Variants in PADI3 observed in about 807,000 individuals in gnomAD.
PADI3 encodes the protein peptidyl arginine deiminase 3.
Under a neutral mutation model 71.5 loss-of-function variants are expected in PADI3, and 53 were observed. The observed-to-expected ratio is 0.74, with a 90% CI of 0.59 to 0.93. PADI3 has a LOEUF of 0.93. Ranked by LOEUF, PADI3 falls within the 40% of genes least tolerant of loss-of-function variation. PADI3 has a pLI of 0.00. For missense variants in PADI3, 821 were observed against 868.0 expected, an observed-to-expected ratio of 0.95 and a Z score of 0.68; for synonymous variants, 361 against 347.5, an observed-to-expected ratio of 1.04 and a Z score of -0.43.
At position 17,262,263 on chromosome 1, in the gene PADI3, G is replaced by A. The variant is rs138903035; in HGVS notation, c.346+58G>A. On this transcript the variant is annotated intron_variant, in intron 3 of 15. Transcript: ENST00000375460. ...AGGGCACATTTGAAAAATTCAAGCAGTACAAAAGAGTATACGTTGAAAATT... is the reference window on the plus strand; with the variant it reads ...AGGGCACATTTGAAAAATTCAAGCAATACAAAAGAGTATACGTTGAAAATT... 8.0e-6 allele frequency: 10 copies of A among 1,248,910 alleles called. No individual in the cohort carries two copies. In the East Asian group the frequency reaches 2.3e-4, roughly 29 times the overall value. 77.4% of individuals were successfully genotyped at this position (1,248,910 alleles called of 1,614,324 possible). A position where few individuals can be genotyped will look rare whatever the true frequency, so the allele number is the denominator to read the frequency against.
In PADI3 at chr1:17,271,099, T is replaced by C. The variant is rs980688561; in HGVS notation, c.968T>C (p.Val323Ala). Reference sequence around the variant, plus strand: ...AACAACACGTGTTTTGTGGATGCGGTGGCAGAGCTGGCCAGGAAGGCCGGC... The same window carrying C: ...AACAACACGTGTTTTGTGGATGCGGCGGCAGAGCTGGCCAGGAAGGCCGGC... ...VRNNTCFVDAVAELARKAGCK... is the reference protein window; with the variant it reads ...VRNNTCFVDAAAELARKAGCK... The change falls in exon 9 of 16, where the codon GTG (valine) becomes GCG (alanine). Residue 323 changes from valine to alanine, a missense_variant. Physicochemically the swap from Val to Ala is moderately conservative, Grantham distance 64. Transcript: ENST00000375460. 3 of 1,613,894 alleles carry C rather than the reference T, an allele frequency of 1.9e-6. No homozygotes were observed. In the Admixed American group the frequency reaches 5.0e-5, roughly 27 times the overall value.
chr1:17,271,664 T>G (rs1404287584), intron 9 of PADI3, among the ~76,000 whole-genome samples: 1 of 151,634 alleles, frequency 6.6e-6, no homozygotes, highest in Non-Finnish European at 1.5e-5. Context: ...TGGGGCAACA[T>G]GGTGAAACCC....
intron 3 of PADI3, among the ~76,000 whole-genome samples, chr1:17,265,009 C>CAA (rs55683674): frequency 0.19 from 26,092 of 140,060 alleles, 2,497 homozygotes; most frequent in African/African-American, 0.24. Flanking sequence ...TGTCTTGTCT[C>CAA]AAAAAAAAAA....
intron 14 of PADI3, 35 bp from the exon 15 acceptor site, chr1:17,280,636 A>G (rs968407302): frequency 1.2e-6 from 2 of 1,613,684 alleles, no homozygotes; most frequent in Non-Finnish European, 1.7e-6. Flanking sequence ...CACACTGGCA[A>G]GGTGTCCCCA....
chr1:17,280,078 A>T (rs1279705742), intron 13 of PADI3, among the ~76,000 whole-genome samples: 1 of 152,206 alleles, frequency 6.6e-6, no homozygotes, highest in Non-Finnish European at 1.5e-5. Context: ...TTCCAGTGAC[A>T]GGCGTTACCA....
In PADI3 at chr1:17,280,376, A is replaced by T. The variant is rs1344713318; in HGVS notation, c.1582A>T (p.Ile528Phe). The T allele has an allele frequency of 3.1e-6, 5 of 1,613,956 alleles. No homozygotes were observed. Among genetic ancestry groups the T allele is most frequent in the Admixed American group, 3.3e-5 (2 of 60,006 alleles). Residue 528 changes from isoleucine to phenylalanine, a missense_variant, in exon 14 of 16, where the codon ATC (isoleucine) becomes TTC (phenylalanine). Coordinates refer to ENST00000375460, the MANE Select transcript of PADI3 (RefSeq NM_016233.2). ...TGATGAGCAGGTCAAGACCATCTCC[A>T]TCAACCAGGTGCTCTCCAATAAAGA... ...VDDEQVKTIS[I>F]NQVLSNKDLI... is the part of the protein sequence containing the mutation.
Position 17,271,126 on chromosome 1 carries a change from G to A in PADI3, c.995G>A (p.Cys332Tyr), listed in dbSNP as rs572833699. The A allele has an allele frequency of 1.2e-6, 2 of 1,613,900 alleles. No individual in the cohort carries two copies. The highest frequency in any genetic ancestry group is 3.3e-5 in the Admixed American group (2 of 60,024). The change falls in exon 9 of 16, where the codon TGC (cysteine) becomes TAC (tyrosine). Residue 332 changes from cysteine to tyrosine, a missense_variant. Cys to Tyr is a radical substitution (Grantham distance 194, BLOSUM62 -2). Coordinates refer to ENST00000375460, the MANE Select transcript of PADI3 (RefSeq NM_016233.2). ...GCAGAGCTGGCCAGGAAGGCCGGCT[G>A]CAAGCTGACCATCTGCCCACAGGCC... ...AVAELARKAG[C>Y]KLTICPQAEN...
intron 1 of PADI3, among the ~76,000 whole-genome samples, chr1:17,254,535 C>A (rs1433232738): frequency 6.6e-6 from 1 of 152,134 alleles, no homozygotes; most frequent in Non-Finnish European, 1.5e-5. Context: ...CACCTGCCGT[C>A]TCCAAGGCTC....
chr1:17,273,392 T>G lies in PADI3; in HGVS notation c.1100T>G (p.Val367Gly). The change falls in exon 10 of 16, where the codon GTC becomes GGC. Residue 367 changes from valine to glycine, a missense_variant. Physicochemically the swap from Val to Gly is moderately radical, Grantham distance 109 (BLOSUM62 -3). Coordinates refer to ENST00000375460, the MANE Select transcript of PADI3 (RefSeq NM_016233.2). ...VQAPHKTLPV[V>G]FDSPRNGELQ... ...GCGCCGCACAAGACCCTCCCGGTGG[T>G]CTTTGACTCCCCAAGGAATGGGGAA... The G allele has an allele frequency of 6.2e-7, 1 of 1,613,742 alleles. No individual in the cohort carries two copies. The highest frequency in any genetic ancestry group is 1.1e-5 in the South Asian group (1 of 91,012).
intron 15 of PADI3, among the ~76,000 whole-genome samples, chr1:17,281,705 G>A (rs925521436): frequency 6.6e-6 from 1 of 152,260 alleles, no homozygotes; most frequent in Non-Finnish European, 1.5e-5. Context: ...CACCAGCCTC[G>A]GCCTCCCAAA....
intron 1 of PADI3, among the ~76,000 whole-genome samples, chr1:17,250,029 G>A (rs2100550379): frequency 6.6e-6 from 1 of 152,336 alleles, no homozygotes; most frequent in African/African-American, 2.4e-5. Flanking sequence ...CCATGGTAGA[G>A]GGAGGTAAGG....
At chr1:17,280,564 A>G (rs748174966) in intron 14 of PADI3, 107 bp from the exon 15 acceptor site, 27 of 1,551,346 alleles carry the variant, frequency 1.7e-5, no homozygotes, top group Non-Finnish European at 2.2e-5. Context: ...GAGGGGTCCC[A>G]ACACCCTCTT....
At chr1:17,250,462 T>C (rs1557494551) in intron 1 of PADI3, among the ~76,000 whole-genome samples, 1 of 152,126 alleles carries the variant, frequency 6.6e-6, no homozygotes, top group Non-Finnish European at 1.5e-5. Context: ...TCTCCAAGAC[T>C]AAGACTCGAA....
At chr1:17,268,187 A>G (rs1340417498) in intron 6 of PADI3, among the ~76,000 whole-genome samples, 1 of 152,226 alleles carries the variant, frequency 6.6e-6, no homozygotes, top group Non-Finnish European at 1.5e-5. Flanking sequence ...TATTTGATGA[A>G]TGACCTTTTC....
chr1:17,276,490 A>T, intron 11 of PADI3, 29 bp from the exon 12 acceptor site: 1 of 1,612,814 alleles, frequency 6.2e-7, no homozygotes, highest in Admixed American at 1.7e-5. Context: ...TTAGTTAAGC[A>T]ACTTTTTTTT....
At chr1:17,249,367 T>C (rs2072938525) in intron 1 of PADI3, 138 bp downstream of exon 1, 2 of 713,182 alleles carry the variant, frequency 2.8e-6, no homozygotes, top group African/African-American at 1.7e-5. Context: ...CAGGGAAGCT[T>C]GGGTCCTCCT....
At position 17,267,870 on chromosome 1, in the gene PADI3, C is replaced by T. The variant is rs146396025; in HGVS notation, c.560C>T (p.Thr187Met). 5.1e-5 allele frequency: 82 copies of T among 1,613,988 alleles called. 1 individual carries two copies. Among genetic ancestry groups the T allele is most frequent in the Admixed American group, 4.8e-4 (29 of 60,014 alleles). Reference protein sequence around the residue: ...LEDMSVMVLRTQGPAALFDDH... With the variant: ...LEDMSVMVLRMQGPAALFDDH... ...GACATGTCTGTCATGGTCCTGCGGA[C>T]GCAGGGCCCTGCAGCCCTCTTTGAT... Residue 187 changes from threonine (T) to methionine (M), a missense_variant, in exon 6 of 16, where the codon ACG (threonine) becomes ATG (methionine). Thr to Met is a moderately conservative substitution (Grantham distance 81, BLOSUM62 -1). Transcript: ENST00000375460.
At chr1:17,256,531 A>G (rs2073029772) in intron 1 of PADI3, among the ~76,000 whole-genome samples, 1 of 150,790 alleles carries the variant, frequency 6.6e-6, no homozygotes, top group South Asian at 2.2e-4. Flanking sequence ...GGGGTGCTTC[A>G]GTCTTCACTG....
intron 1 of PADI3, among the ~76,000 whole-genome samples, chr1:17,256,808 G>A (rs902570112): frequency 3.9e-5 from 6 of 152,244 alleles, no homozygotes; most frequent in South Asian, 2.1e-4. Flanking sequence ...TGAGGCAGGC[G>A]GATCACTTGA....
Sources: allele counts gnomAD v4.1 joint callset (sites outside exome capture counted in the v4.1 genomes callset), GRCh38; gene constraint gnomAD v4.1.1; transcripts MANE v1.5; gene names NCBI Gene and HGNC (gene_info 2026-07-23, HGNC 2026-07-21).